The following TAFA2 variants were observed in gnomAD, a reference collection of about 807,000 sequenced individuals.
TAFA2 encodes the protein TAFA chemokine like family member 2.
In TAFA2, 7 loss-of-function variants were observed where a neutral mutation model predicts 18.8. The ratio of observed to expected loss-of-function variants is 0.37; its 90% CI spans 0.21 to 0.70. The LOEUF is 0.70. TAFA2 is among the 30% of genes least tolerant of loss of function. The probability of loss-of-function intolerance (pLI) is 0.53; values close to 1 mark genes in which losing one functional copy is unlikely to be tolerated. For missense variants in TAFA2, 122 were observed against 158.1 expected (o/e 0.77, Z 1.23); for synonymous variants, 60 against 54.2 (o/e 1.11, Z -0.47).
intron 1 of TAFA2, among the ~76,000 whole-genome samples, chr12:62,251,270 G>C (rs1368647451): frequency 6.6e-6 from 1 of 152,158 alleles, no homozygotes; most frequent in Non-Finnish European, 1.5e-5. Flanking sequence ...TAGTAAACTT[G>C]TGAATTTGGA....
chr12:61,782,703 C>T (rs1387506088), intron 2 of TAFA2, among the ~76,000 whole-genome samples: 1 of 151,604 alleles, frequency 6.6e-6, no homozygotes, highest in African/African-American at 2.4e-5. Context: ...AAATTATAGG[C>T]CCCAAAAAAT....
chr12:62,021,433 C>G, intron 1 of TAFA2: 1 of 458,992 alleles, frequency 2.2e-6, no homozygotes, highest in Non-Finnish European at 4.1e-6. Context: ...CTCACCCCCT[C>G]CCACCCTTTC....
intron 1 of TAFA2, among the ~76,000 whole-genome samples, chr12:61,924,019 T>G (rs954466502): frequency 1.4e-5 from 2 of 146,972 alleles, no homozygotes; most frequent in African/African-American, 5.1e-5. Flanking sequence ...AAATAAAACA[T>G]GAAGACAAGA....
intron 2 of TAFA2, among the ~76,000 whole-genome samples, chr12:61,816,690 T>C (rs1303617254): frequency 3.3e-5 from 5 of 151,310 alleles, no homozygotes; most frequent in African/African-American, 4.9e-5. Flanking sequence ...TGGGATAAGT[T>C]ATTTTTCAGA....
chr12:62,123,691 A>T (rs77146443), intron 1 of TAFA2, among the ~76,000 whole-genome samples: 146,490 of 150,002 alleles, frequency 0.98, 71,603 homozygotes, highest in Middle Eastern at 1. Flanking sequence ...TCTCTCTCAC[A>T]CACACACACA....
chr12:61,752,232 T>C (rs1869054003), intron 4 of TAFA2, among the ~76,000 whole-genome samples: 1 of 152,022 alleles, frequency 6.6e-6, no homozygotes, highest in Non-Finnish European at 1.5e-5. Flanking sequence ...TTGTTCAGTG[T>C]ATGGCATATG....
chr12:61,769,784 T>A (rs1869947942), intron 2 of TAFA2, among the ~76,000 whole-genome samples: 1 of 151,942 alleles, frequency 6.6e-6, no homozygotes, highest in South Asian at 2.1e-4. Context: ...TCTATCCAAA[T>A]GAGAAGAAAT....
rs542406248 is a variant in TAFA2, at chr12:61,815,231, G to A, written c.106+52089C>T. ...CTATAAATTTTAACTTGAACAGGTA[G>A]GTAGATAATGAAAACATTTATTAAA... On this transcript the variant is annotated intron_variant, in intron 2 of 4. Coordinates refer to ENST00000416284, the MANE Select transcript of TAFA2 (RefSeq NM_178539.5). 7.7e-4 allele frequency among the ~76,000 whole-genome samples: 117 copies of A among 151,528 alleles called. 3 individuals carry two copies. Among genetic ancestry groups the A allele is most frequent in the Non-Finnish European group, 1.1e-3 (74 of 68,016 alleles).
At chr12:61,962,782 G>A (rs1019237429) in intron 1 of TAFA2, among the ~76,000 whole-genome samples, 2 of 151,642 alleles carry the variant, frequency 1.3e-5, no homozygotes, top group Admixed American at 6.6e-5. Context: ...TAAGTTCTGG[G>A]GTACATGTGC....
chr12:61,740,975 G>C (rs1868417727), intron 4 of TAFA2, among the ~76,000 whole-genome samples: 1 of 151,786 alleles, frequency 6.6e-6, no homozygotes, highest in South Asian at 2.1e-4. Flanking sequence ...CTATGGCTTA[G>C]TATAAGCTAT....
intron 1 of TAFA2, among the ~76,000 whole-genome samples, chr12:61,869,545 G>C (rs1742433084): frequency 6.6e-6 from 1 of 152,146 alleles, no homozygotes; most frequent in South Asian, 2.1e-4. Context: ...GTAACATTGT[G>C]AGTTCAACCA....
chr12:62,175,635 T>TTCTTCAAA (rs2062507612), intron 1 of TAFA2, among the ~76,000 whole-genome samples: 1 of 152,144 alleles, frequency 6.6e-6, no homozygotes, highest in Admixed American at 6.6e-5. Context: ...AACAAAGTAG[T>TTCTTCAAA]TCTTCAAATT....
chr12:62,022,102 C>T, intron 1 of TAFA2: 1 of 509,112 alleles, frequency 2.0e-6, no homozygotes, highest in South Asian at 1.7e-5. Context: ...GTTCCCCAAC[C>T]CACTGGCCCT....
At chr12:61,966,604 T>G in intron 1 of TAFA2, among the ~76,000 whole-genome samples, 1 of 152,028 alleles carries the variant, frequency 6.6e-6, no homozygotes, top group South Asian at 2.1e-4. Context: ...TGAGGTGCCA[T>G]TAATCATCTT....
At chr12:61,894,301 A>G (rs1875751384) in intron 1 of TAFA2, among the ~76,000 whole-genome samples, 1 of 152,224 alleles carries the variant, frequency 6.6e-6, no homozygotes, top group Admixed American at 6.5e-5. Flanking sequence ...AAGTTTTGCT[A>G]ATACAAAGTG....
chr12:62,141,640 A>T (rs976091074), intron 1 of TAFA2, among the ~76,000 whole-genome samples: 4 of 152,116 alleles, frequency 2.6e-5, no homozygotes, highest in Non-Finnish European at 5.9e-5. Flanking sequence ...ATTTGGCTTT[A>T]TATTATTATA....
intron 1 of TAFA2, among the ~76,000 whole-genome samples, chr12:61,915,148 G>A (rs776933850): frequency 4.2e-4 from 64 of 152,224 alleles, no homozygotes; most frequent in Admixed American, 5.9e-4. Flanking sequence ...GCAACAGAGC[G>A]AGACTCCATC....
chr12:62,183,185 C>T (rs1592387935), intron 1 of TAFA2, among the ~76,000 whole-genome samples: 1 of 152,228 alleles, frequency 6.6e-6, no homozygotes, highest in East Asian at 1.9e-4. Flanking sequence ...TAAGAAGAGA[C>T]ATGAGAGAGA....
chr12:61,750,789 A>G (rs1023804579), intron 4 of TAFA2, among the ~76,000 whole-genome samples: 9 of 152,112 alleles, frequency 5.9e-5, no homozygotes, highest in African/African-American at 2.2e-4. Context: ...TTATTTCTCA[A>G]GCCATTTTGC....
Sources: gnomAD v4.1 joint callset for allele counts (sites outside exome capture counted in the v4.1 genomes callset) on GRCh38, gnomAD v4.1.1 for gene constraint, MANE v1.5 for transcripts, NCBI Gene and HGNC (gene_info 2026-07-23, HGNC 2026-07-21) for gene names.